Variants in LNX1 observed in about 807,000 individuals in gnomAD.
The protein encoded by LNX1 is E3 ubiquitin-protein ligase LNX.
In LNX1, 54 loss-of-function variants were observed where a neutral mutation model predicts 68.4. That is an observed-to-expected ratio of 0.79 (90% CI 0.63 to 0.99). The LOEUF (loss-of-function observed/expected upper bound fraction) is 0.99. Among genes scored for constraint, LNX1 ranks in the 50% least tolerant of loss-of-function variants. The pLI is 0.00. For missense variants in LNX1, 906 were observed against 926.4 expected, an observed-to-expected ratio of 0.98 and a Z score of 0.29; for synonymous variants, 336 against 350.0, an observed-to-expected ratio of 0.96 and a Z score of 0.45.
chr4:53,645,372 C>T (rs556652572), intron 1 of LNX1, among the ~76,000 whole-genome samples: 16 of 152,206 alleles, frequency 1.1e-4, no homozygotes, highest in African/African-American at 3.9e-4. Flanking sequence ...TTGGTCATTG[C>T]CTTCCCTGCT....
chr4:53,650,709 G>A (rs185476728), intron 1 of LNX1, among the ~76,000 whole-genome samples: 9 of 151,914 alleles, frequency 5.9e-5, no homozygotes, highest in South Asian at 2.1e-4. Context: ...GTCCCCTTCC[G>A]TGTCCCCCCA....
At chr4:53,549,819 A>G (rs1301952413) in intron 2 of LNX1, among the ~76,000 whole-genome samples, 4 of 152,230 alleles carry the variant, frequency 2.6e-5, no homozygotes, top group African/African-American at 9.6e-5. Flanking sequence ...AAATGAAGAA[A>G]ATAAGTCAAC....
At chr4:53,579,464 C>T (rs753295988) in intron 1 of LNX1, among the ~76,000 whole-genome samples, 2 of 152,122 alleles carry the variant, frequency 1.3e-5, no homozygotes, top group Non-Finnish European at 2.9e-5. Flanking sequence ...ATCCCTGCTT[C>T]CTTTCCTATG....
intron 2 of LNX1, among the ~76,000 whole-genome samples, chr4:53,564,907 G>A (rs1229629529): frequency 2.0e-5 from 3 of 152,168 alleles, no homozygotes; most frequent in Non-Finnish European, 2.9e-5. Flanking sequence ...GGGAAAATCA[G>A]GTCACTCCCA....
At position 53,507,390 on chromosome 4, in the gene LNX1, T is replaced by C. The variant is rs1279703522; in HGVS notation, c.702A>G (p.Thr234=). Residue 234 remains threonine, a synonymous_variant, in exon 4 of 11, where the codon ACA becomes ACG. Coordinates refer to ENST00000263925, the MANE Select transcript of LNX1 (RefSeq NM_001126328.3). ...GGTTGGCAACTGCACTCCCGCTCTT[T>C]GTCCTTCGAAGAACACTCAAAGCTC... is the stretch of plus-strand genomic sequence containing the variant. ...INRALSVLRR[T]KSGSAVANHA... is the part of the protein sequence containing the mutation. The C allele has an allele frequency of 1.9e-6, 3 of 1,614,188 alleles. No individual in the cohort carries two copies. Among genetic ancestry groups the C allele is most frequent in the Non-Finnish European group, 2.5e-6 (3 of 1,180,014 alleles).
intron 9 of LNX1, among the ~76,000 whole-genome samples, chr4:53,468,098 C>T (rs1175724625): frequency 2.2e-4 from 33 of 152,290 alleles, no homozygotes; most frequent in African/African-American, 7.0e-4. Flanking sequence ...AGAGAAAGGT[C>T]GGGTTACCCA....
intron 2 of LNX1, among the ~76,000 whole-genome samples, chr4:53,558,483 C>T (rs1730079307): frequency 6.6e-6 from 1 of 152,168 alleles, no homozygotes; most frequent in African/African-American, 2.4e-5. Flanking sequence ...GAGCTTAAAG[C>T]AAGCATTCAC....
intron 4 of LNX1, among the ~76,000 whole-genome samples, chr4:53,506,350 ACTACT>A (rs1369633006): frequency 3.9e-5 from 6 of 152,344 alleles, no homozygotes; most frequent in Non-Finnish European, 8.8e-5. Flanking sequence ...AGCTGTTACT[ACTACT>A]CTAAAGTTCT....
chr4:53,520,681 G>T (rs1727147566), intron 2 of LNX1, among the ~76,000 whole-genome samples: 1 of 152,144 alleles, frequency 6.6e-6, no homozygotes. Flanking sequence ...TTTACTTTTG[G>T]CTGGGCATGG....
At chr4:53,513,318 T>C (rs1451245878) in intron 2 of LNX1, among the ~76,000 whole-genome samples, 1 of 152,086 alleles carries the variant, frequency 6.6e-6, no homozygotes, top group East Asian at 1.9e-4. Flanking sequence ...TCCTATTAGT[T>C]ATACCACCTC....
At chr4:53,600,436 C>T (rs1047093987) in intron 2 of LNX1, among the ~76,000 whole-genome samples, 7 of 152,130 alleles carry the variant, frequency 4.6e-5, no homozygotes, top group Non-Finnish European at 1.0e-4. Context: ...TTTTCCTTCC[C>T]AGGAACTTTT....
chr4:53,570,887 C>T (rs1451641374), intron 2 of LNX1, among the ~76,000 whole-genome samples: 9 of 151,740 alleles, frequency 5.9e-5, no homozygotes, highest in East Asian at 2.0e-4. Flanking sequence ...ATTAGCTGTG[C>T]GTGGTGGTGG....
intron 2 of LNX1, among the ~76,000 whole-genome samples, chr4:53,548,939 C>T (rs1227891161): frequency 6.6e-6 from 1 of 152,138 alleles, no homozygotes; most frequent in African/African-American, 2.4e-5. Flanking sequence ...AAACCAAATG[C>T]TGCATATCTA....
chr4:53,615,088 G>A lies in LNX1; in HGVS notation c.-215+1429C>T, dbSNP rs114905343. On this transcript the variant is annotated intron_variant, in intron 2 of 3. Coordinates refer to the LNX1 transcript ENST00000504299. ...AATGAATTAATTGCTGAAAGAAACA[G>A]TAGAGATAATTACACATGCCCCACA... is the stretch of plus-strand genomic sequence containing the variant. Among the ~76,000 whole-genome samples, 1,253 of 152,224 alleles carry A rather than the reference G, an allele frequency of 8.2e-3. 15 individuals are homozygous for A. Among genetic ancestry groups the A allele is most frequent in the African/African-American group, 0.029 (1,185 of 41,536 alleles).
At chr4:53,486,539 G>A (rs1724305897) in intron 6 of LNX1, among the ~76,000 whole-genome samples, 1 of 152,166 alleles carries the variant, frequency 6.6e-6, no homozygotes, top group Non-Finnish European at 1.5e-5. Context: ...GGAACCTTGA[G>A]GACATGGTTC....
At chr4:53,531,198 C>A (rs1020240723) in intron 2 of LNX1, among the ~76,000 whole-genome samples, 2 of 152,194 alleles carry the variant, frequency 1.3e-5, no homozygotes, top group African/African-American at 4.8e-5. Flanking sequence ...TTCCCCCACC[C>A]CACTACTTTG....
At chr4:53,583,932 A>AAACAACAACAAC (rs57272023) in intron 1 of LNX1, among the ~76,000 whole-genome samples, 5 of 149,768 alleles carry the variant, frequency 3.3e-5, no homozygotes, top group South Asian at 2.2e-4. Flanking sequence ...GACCCCCTGC[A>AAACAACAACAAC]AACAACAACA....
chr4:53,504,378 T>G lies in LNX1; in HGVS notation c.775+2939A>C, dbSNP rs754854738. Among the ~76,000 whole-genome samples the G allele has an allele frequency of 2.6e-5, 4 of 152,254 alleles. No homozygotes were observed. The East Asian group carries it at 7.7e-4, about 29-fold the overall frequency. On this transcript the variant is annotated intron_variant, in intron 4 of 10. Coordinates refer to ENST00000263925, the MANE Select transcript of LNX1 (RefSeq NM_001126328.3). The stretch of plus-strand genomic sequence containing the variant: ...CTTCCAACTTTTCTCCTTTAGCTTC[T>G]TCACCTCTCTCAGCCTTCACAGAAT...
At chr4:53,496,653 T>G in intron 5 of LNX1, 18 of 392,688 alleles carry the variant, frequency 4.6e-5, no homozygotes, top group East Asian at 1.2e-4. Flanking sequence ...CACATATTTA[T>G]TCCCAGAATC....
Sources: allele counts gnomAD v4.1 joint callset (sites outside exome capture counted in the v4.1 genomes callset), GRCh38; gene constraint gnomAD v4.1.1; transcripts MANE v1.5; gene names NCBI Gene and HGNC (gene_info 2026-07-23, HGNC 2026-07-21).